GRID2: variants seen among roughly 807,000 people sequenced by gnomAD.
GRID2 encodes the protein glutamate receptor ionotropic, delta-2.
In GRID2, 33 loss-of-function variants were observed where a neutral mutation model predicts 114.8. The ratio of observed to expected loss-of-function variants is 0.29; its 90% CI spans 0.22 to 0.38. The LOEUF is 0.38. Among genes scored for constraint, GRID2 ranks in the 10% least tolerant of loss-of-function variants. The pLI is 1.00. For synonymous variants in GRID2, 505 were observed against 449.9 expected, an observed-to-expected ratio of 1.12 and a Z score of -1.55; for missense variants, 1,184 against 1,257.7, an observed-to-expected ratio of 0.94 and a Z score of 0.89.
chr4:93,498,446 T>G (rs376292980), intron 12 of GRID2, among the ~76,000 whole-genome samples: 3 of 152,032 alleles, frequency 2.0e-5, no homozygotes, highest in African/African-American at 7.2e-5. Flanking sequence ...CAATATGAAC[T>G]CTGGAAGGAA....
intron 13 of GRID2, among the ~76,000 whole-genome samples, chr4:93,614,370 T>C (rs1354981597): frequency 6.6e-6 from 1 of 152,196 alleles, no homozygotes; most frequent in African/African-American, 2.4e-5. Context: ...ACAAAATGAT[T>C]TGATTTTATT....
At chr4:93,672,598 T>G (rs1724526354) in intron 14 of GRID2, among the ~76,000 whole-genome samples, 3 of 152,260 alleles carry the variant, frequency 2.0e-5, no homozygotes, top group African/African-American at 7.2e-5. Flanking sequence ...TGTGCAATTA[T>G]AATTTATTCC....
chr4:92,524,758 A>G (rs1168016594), intron 1 of GRID2, among the ~76,000 whole-genome samples: 2 of 151,896 alleles, frequency 1.3e-5, no homozygotes, highest in Non-Finnish European at 2.9e-5. Context: ...TGAAAACCTA[A>G]TATATTCACA....
chr4:92,672,279 C>G (rs1733111573), intron 2 of GRID2, among the ~76,000 whole-genome samples: 1 of 152,100 alleles, frequency 6.6e-6, no homozygotes. Flanking sequence ...TTGAAGTAAA[C>G]TCCAGACATC....
chr4:93,462,910 A>C (rs775581718), intron 11 of GRID2, among the ~76,000 whole-genome samples: 1 of 152,212 alleles, frequency 6.6e-6, no homozygotes, highest in African/African-American at 2.4e-5. Context: ...CCTAGTGAAC[A>C]GAGGAAAAAT....
intron 2 of GRID2, among the ~76,000 whole-genome samples, chr4:93,077,529 A>G (rs1460721361): frequency 6.6e-6 from 1 of 152,202 alleles, no homozygotes; most frequent in African/African-American, 2.4e-5. Flanking sequence ...TAATAAATAG[A>G]ATTTCTATAA....
chr4:93,397,120 G>A (rs1238864724), intron 9 of GRID2, among the ~76,000 whole-genome samples: 3 of 151,876 alleles, frequency 2.0e-5, no homozygotes, highest in African/African-American at 2.4e-5. Context: ...TTAAATATAT[G>A]CAATGTAATT....
intron 2 of GRID2, among the ~76,000 whole-genome samples, chr4:92,901,238 G>A (rs1446633633): frequency 1.3e-5 from 2 of 152,082 alleles, no homozygotes; most frequent in Admixed American, 6.6e-5. Context: ...GCCAAAATCT[G>A]TTATTTTCTA....
At chr4:93,784,649 C>CAG (rs1367107084) in intron 1 of GRID2, among the ~76,000 whole-genome samples, 1 of 150,590 alleles carries the variant, frequency 6.6e-6, no homozygotes, top group Non-Finnish European at 1.5e-5. Flanking sequence ...TTTTTATACA[C>CAG]ACACACACAC....
At chr4:92,891,228 C>T (rs939551248) in intron 2 of GRID2, among the ~76,000 whole-genome samples, 1 of 152,116 alleles carries the variant, frequency 6.6e-6, no homozygotes, top group African/African-American at 2.4e-5. Context: ...AACAAACTTG[C>T]ACGTTCTGCA....
intron 8 of GRID2, among the ~76,000 whole-genome samples, chr4:93,240,240 T>C (rs148903168): frequency 2.2e-3 from 327 of 151,778 alleles, no homozygotes; most frequent in African/African-American, 7.5e-3. Flanking sequence ...ATTTACTAAT[T>C]TACATACCAC....
At chr4:93,316,339 A>AGAACGAAAGAACGAAAGAAAGAAAGAAG (rs1192535496) in intron 8 of GRID2, among the ~76,000 whole-genome samples, 1 of 54,960 alleles carries the variant, frequency 1.8e-5, no homozygotes, top group Non-Finnish European at 4.1e-5. Flanking sequence ...AAAGAAAGAA[A>AGAACGAAAGAACGAAAGAAAGAAAGAAG]GAAGGAAGGA....
chr4:93,076,679 G>A (rs906975886), intron 2 of GRID2, among the ~76,000 whole-genome samples: 6 of 137,450 alleles, frequency 4.4e-5, no homozygotes, highest in South Asian at 2.4e-4. Context: ...GTGCAATGGC[G>A]CAATCTCGGT....
rs138894983 is a variant in GRID2, at chr4:93,124,426, G to A, written c.735+13473G>A. Among the ~76,000 whole-genome samples the A allele has an allele frequency of 2.3e-3, 343 of 152,224 alleles. 1 individual carries two copies. Among genetic ancestry groups the A allele is most frequent in the African/African-American group, 7.8e-3 (323 of 41,538 alleles). On this transcript the variant is annotated intron_variant, in intron 4 of 15. Coordinates refer to ENST00000282020, the MANE Select transcript of GRID2 (RefSeq NM_001510.4). ...TTATATGCTGATTTCTATTTAATTTGCTTAGTACATAAATGGCAAATACAT... is the reference window on the plus strand; with the variant it reads ...TTATATGCTGATTTCTATTTAATTTACTTAGTACATAAATGGCAAATACAT...
chr4:93,223,629 CA>C (rs1171431572), intron 6 of GRID2, among the ~76,000 whole-genome samples: 1 of 152,068 alleles, frequency 6.6e-6, no homozygotes, highest in East Asian at 1.9e-4. Context: ...CTGAAAAACA[CA>C]AATGCTTTAA....
At chr4:93,087,294 C>G (rs1220809959) in intron 3 of GRID2, among the ~76,000 whole-genome samples, 1 of 152,074 alleles carries the variant, frequency 6.6e-6, no homozygotes, top group African/African-American at 2.4e-5. Flanking sequence ...CCCACCTCGG[C>G]CTCCCAAAGT....
At chr4:93,704,763 A>G (rs190890990) in intron 14 of GRID2, among the ~76,000 whole-genome samples, 38 of 152,194 alleles carry the variant, frequency 2.5e-4, no homozygotes, top group Non-Finnish European at 1.5e-5. Context: ...AGTTCCATCC[A>G]TGTTGTTTCA....
intron 1 of GRID2, among the ~76,000 whole-genome samples, chr4:92,318,304 ATATATTTTT>A (rs1046819900): frequency 3.8e-5 from 5 of 131,196 alleles, no homozygotes; most frequent in African/African-American, 1.6e-4. Context: ...ATATATATAT[ATATATTTTT>A]TTTTTTTTTT....
At chr4:93,257,191 T>C (rs1347916197) in intron 8 of GRID2, among the ~76,000 whole-genome samples, 3 of 151,882 alleles carry the variant, frequency 2.0e-5, no homozygotes, top group African/African-American at 7.2e-5. Flanking sequence ...TTATCTGATT[T>C]ACTTAATAAT....
Sources: allele counts gnomAD v4.1 joint callset (sites outside exome capture counted in the v4.1 genomes callset), GRCh38; gene constraint gnomAD v4.1.1; transcripts MANE v1.5; gene names NCBI Gene and HGNC (gene_info 2026-07-23, HGNC 2026-07-21).